OR2C1: variants seen among roughly 807,000 people sequenced by gnomAD.
OR2C1 encodes the protein olfactory receptor 2C1.
For synonymous variants in OR2C1, 209 were observed against 167.3 expected, an observed-to-expected ratio of 1.25 and a Z score of -1.92; for missense variants, 468 against 388.3, an observed-to-expected ratio of 1.21 and a Z score of -1.73.
chr16:3,326,710 A>G, the OR2C1 span, among the ~76,000 whole-genome samples: 2 of 152,188 alleles, frequency 1.3e-5, no homozygotes, highest in African/African-American at 4.8e-5. Context: ...GGTTAGGCAT[A>G]TGGCCTTAAG....
upstream of OR2C1, among the ~76,000 whole-genome samples, chr16:3,351,929 T>G (rs2030580077): frequency 6.6e-6 from 1 of 151,316 alleles, no homozygotes; most frequent in Admixed American, 6.6e-5. Flanking sequence ...ATCCTGGGCT[T>G]ATTAGAACTG....
the OR2C1 span, among the ~76,000 whole-genome samples, chr16:3,341,528 A>G: frequency 6.6e-6 from 1 of 152,208 alleles, no homozygotes; most frequent in Non-Finnish European, 1.5e-5. Flanking sequence ...TCAGTCAGAA[A>G]ACATTAAAAC....
In OR2C1 at chr16:3,357,114, G is replaced by T. The variant is rs1245052686; in HGVS notation, c.*235G>T. 2.1e-6 allele frequency: 1 copy of T among 486,496 alleles called. No individual in the cohort carries two copies. Among genetic ancestry groups the T allele is most frequent in the South Asian group, 2.8e-5 (1 of 35,408 alleles). The allele number at this position is 486,496 out of a possible 1,614,324, so 30.1% of individuals were successfully genotyped here. A position where few individuals can be genotyped will look rare whatever the true frequency, so the allele number is the denominator to read the frequency against. On this transcript the variant is annotated 3_prime_UTR_variant, in exon 1 of 1. Coordinates refer to ENST00000304936, the MANE Select transcript of OR2C1 (RefSeq NM_012368.3). ...CTACCGATAGCAGGGGAGACATGTT[G>T]TTGAGGGCTCAGAGGTTATTGACCT...
the OR2C1 span, among the ~76,000 whole-genome samples, chr16:3,345,833 C>CTCCT: frequency 1.1e-5 from 1 of 95,020 alleles, no homozygotes; most frequent in East Asian, 3.8e-4. Flanking sequence ...CCTTCCTTCC[C>CTCCT]TCCTTCCTTC....
chr16:3,337,837 C>G, the OR2C1 span, among the ~76,000 whole-genome samples: 75 of 152,222 alleles, frequency 4.9e-4, no homozygotes, highest in African/African-American at 1.6e-3. Flanking sequence ...CATTGAAGGA[C>G]TAGTTATTTA....
rs2030662014 is a variant in OR2C1, at chr16:3,356,033, C to T, written c.93C>T (p.Ile31=). The change falls in exon 1 of 1, where the codon ATC becomes ATT. Residue 31 remains isoleucine (I), a synonymous_variant. Transcript: ENST00000304936. The stretch of plus-strand genomic sequence containing the variant: ...TGGAGATGATCTTTTTTATAGCCAT[C>T]CTCTTCTCCTATTTGCTGACCCTAC... ...PQLEMIFFIA[I]LFSYLLTLLG... 5 of 1,614,010 alleles carry T rather than the reference C, an allele frequency of 3.1e-6. No individual in the cohort carries two copies. The highest frequency in any genetic ancestry group is 4.2e-6 in the Non-Finnish European group (5 of 1,179,922).
the OR2C1 span, among the ~76,000 whole-genome samples, chr16:3,342,891 G>A: frequency 0.88 from 133,499 of 152,216 alleles, 58,590 homozygotes; most frequent in East Asian, 0.92. Flanking sequence ...AAACGAAAAC[G>A]AAAACATGAA....
At position 3,356,868 on chromosome 16, in the gene OR2C1, G is replaced by T. The variant is rs1278610097; in HGVS notation, c.928G>T (p.Glu310Ter). 2 of 1,586,940 alleles carry T rather than the reference G, an allele frequency of 1.3e-6. No homozygotes were observed. The highest frequency in any genetic ancestry group is 1.7e-6 in the Non-Finnish European group (2 of 1,165,508). ...GAGGAGGTTGCTGGGGAAAGGAAGA[G>T]AAGTTGGCTGAGAGAACACTCCTTC... ...ALRRLLGKGR[E>*]VG Residue 310 changes from glutamate (E) to a stop codon, truncating the protein, a stop_gained, in exon 1 of 1, where the codon GAA becomes TAA. Transcript: ENST00000304936. LOFTEE classifies it high-confidence loss of function.
At chr16:3,341,759 T>A in the OR2C1 span, among the ~76,000 whole-genome samples, 1 of 152,188 alleles carries the variant, frequency 6.6e-6, no homozygotes, top group South Asian at 2.1e-4. Context: ...GGCACATGGA[T>A]GTGTTCACCA....
Position 3,355,933 on chromosome 16 carries a change from A to G in OR2C1, c.-8A>G. 1 of 1,582,928 alleles carries G rather than the reference A, an allele frequency of 6.3e-7. No homozygotes were observed. The highest frequency in any genetic ancestry group is 1.3e-5 in the African/African-American group (1 of 74,148). On this transcript the variant is annotated 5_prime_UTR_variant, in exon 1 of 1. Coordinates refer to ENST00000304936, the MANE Select transcript of OR2C1 (RefSeq NM_012368.3). ...ATGAATTCATCAAGTGACTGAAGAC[A>G]ACCAGTGATGGACGGGGTGAATGAT...
At chr16:3,355,231 G>A (rs1948005416), upstream of OR2C1, among the ~76,000 whole-genome samples, 1 of 151,752 alleles carries the variant, frequency 6.6e-6, no homozygotes, top group Non-Finnish European at 1.5e-5. Flanking sequence ...GAGAGGCTGA[G>A]GCTGGCATAT....
At chr16:3,324,588 T>A in the OR2C1 span, among the ~76,000 whole-genome samples, 1 of 152,144 alleles carries the variant, frequency 6.6e-6, no homozygotes, top group African/African-American at 2.4e-5. Context: ...AACTGCTCAG[T>A]GTTGTAATGG....
the OR2C1 span, among the ~76,000 whole-genome samples, chr16:3,333,969 A>G: frequency 1.3e-5 from 2 of 149,178 alleles, no homozygotes; most frequent in Non-Finnish European, 3.0e-5. Context: ...TCCCCATTAT[A>G]TATTCTTTTT....
the OR2C1 span, among the ~76,000 whole-genome samples, chr16:3,349,937 T>C: frequency 6.6e-6 from 1 of 151,914 alleles, no homozygotes. Flanking sequence ...CTTCTTCCTT[T>C]AGGCGAAAGG....
chr16:3,354,320 G>A (rs912466677), upstream of OR2C1, among the ~76,000 whole-genome samples: 2 of 152,128 alleles, frequency 1.3e-5, no homozygotes, highest in Non-Finnish European at 2.9e-5. Flanking sequence ...TGATTTAGAC[G>A]TGGACACAGT....
At chr16:3,325,809 A>G in the OR2C1 span, among the ~76,000 whole-genome samples, 1 of 152,004 alleles carries the variant, frequency 6.6e-6, no homozygotes, top group African/African-American at 2.4e-5. Context: ...ATGTAAAAAT[A>G]TAAAATATTT....
the OR2C1 span, among the ~76,000 whole-genome samples, chr16:3,341,631 G>T: frequency 6.6e-6 from 1 of 152,104 alleles, no homozygotes; most frequent in Non-Finnish European, 1.5e-5. Flanking sequence ...CTAGTTTATT[G>T]TAAAAGATAT....
At chr16:3,337,916 T>G in the OR2C1 span, among the ~76,000 whole-genome samples, 1 of 152,192 alleles carries the variant, frequency 6.6e-6, no homozygotes, top group Non-Finnish European at 1.5e-5. Context: ...TCTTTGTAAT[T>G]TATCTGTTGA....
chr16:3,326,740 T>C, the OR2C1 span, among the ~76,000 whole-genome samples: 1 of 152,234 alleles, frequency 6.6e-6, no homozygotes, highest in Non-Finnish European at 1.5e-5. Flanking sequence ...TTGGGACTTT[T>C]CTTGGAGATG....
Sources: allele counts gnomAD v4.1 joint callset (sites outside exome capture counted in the v4.1 genomes callset), GRCh38; gene constraint gnomAD v4.1.1; transcripts MANE v1.5; gene names NCBI Gene and HGNC (gene_info 2026-07-23, HGNC 2026-07-21).